ZFHX4: variants seen among roughly 807,000 people sequenced by gnomAD.
The protein encoded by ZFHX4 is zinc finger homeobox 4, also known as zinc finger homeobox protein 4.
In ZFHX4, 56 loss-of-function variants were observed where a neutral mutation model predicts 267.6. The ratio of observed to expected loss-of-function variants is 0.21; its 90% CI spans 0.17 to 0.26. ZFHX4 has a LOEUF of 0.26. Ranked by LOEUF, ZFHX4 falls within the 10% of genes least tolerant of loss-of-function variation. The pLI, the probability that ZFHX4 is intolerant of heterozygous loss-of-function variation, is 1.00. For synonymous variants in ZFHX4, 1,778 were observed against 1,665.6 expected (o/e 1.07, Z -1.64); for missense variants, 4,332 against 4,420.0 (o/e 0.98, Z 0.56).
intron 3 of ZFHX4, among the ~76,000 whole-genome samples, chr8:76,736,094 T>A (rs1809151411): frequency 6.6e-6 from 1 of 152,060 alleles, no homozygotes; most frequent in Admixed American, 6.6e-5. Context: ...CATTAAAATC[T>A]TTATCCTTCT....
intron 4 of ZFHX4, among the ~76,000 whole-genome samples, chr8:76,800,797 G>A (rs1811099930): frequency 6.6e-6 from 1 of 152,136 alleles, no homozygotes; most frequent in Admixed American, 6.6e-5. Context: ...TTAGCAGCAA[G>A]GAAAAAACAA....
chr8:76,707,740 T>G lies in ZFHX4; in HGVS notation c.2785T>G (p.Ser929Ala), dbSNP rs1196498297. The G allele has an allele frequency of 6.2e-6, 10 of 1,613,704 alleles. No individual in the cohort carries two copies. In the East Asian group the frequency reaches 2.0e-4, roughly 32 times the overall value. The change falls in exon 3 of 11, where the codon TCT becomes GCT. Residue 929 changes from serine to alanine, a missense_variant. Around this residue, in one of 7 missense-constraint regions of ZFHX4, gnomAD observed 1,195 missense variants for 1,173.6 expected, o/e 1.02. Transcript: ENST00000651372. Reference sequence around the variant, plus strand: ...AAGTGTGCATGTGAGCAGTGAGCGCTCTCTCCCTGAAGAGGAATGGAGGGC... The same window carrying G: ...AAGTGTGCATGTGAGCAGTGAGCGCGCTCTCCCTGAAGAGGAATGGAGGGC... ...ALSVHVSSER[S>A]LPEEEWRAVI...
At chr8:76,694,473 T>A (rs1807902865) in intron 1 of ZFHX4, among the ~76,000 whole-genome samples, 1 of 152,188 alleles carries the variant, frequency 6.6e-6, no homozygotes, top group Non-Finnish European at 1.5e-5. Flanking sequence ...AAGCCATATT[T>A]TCTGAGAAGC....
intron 4 of ZFHX4, among the ~76,000 whole-genome samples, chr8:76,810,573 T>C (rs1187269806): frequency 6.6e-6 from 1 of 152,180 alleles, no homozygotes; most frequent in Non-Finnish European, 1.5e-5. Context: ...CTGGGAAAAC[T>C]GTTTTCTGTC....
Position 76,864,644 on chromosome 8 carries a change from A to G in ZFHX4, c.*79A>G. On this transcript the variant is annotated 3_prime_UTR_variant, in exon 11 of 11. Coordinates refer to ENST00000651372, the MANE Select transcript of ZFHX4 (RefSeq NM_024721.5). ...AAAATAAGACTTTAACTGCAGTTCC[A>G]AAGCTTCTCTAACCCAAAAATTACA... The G allele has an allele frequency of 8.8e-7, 1 of 1,133,158 alleles. No individual in the cohort carries two copies. The highest frequency in any genetic ancestry group is 2.7e-5 in the East Asian group (1 of 37,520). The allele number at this position is 1,133,158 out of a possible 1,614,324, so 70.2% of individuals were successfully genotyped here.
In ZFHX4 at chr8:76,854,780, T is replaced by A; in HGVS notation, c.7859T>A (p.Leu2620His). Reference protein sequence around the residue: ...TTITPEQLEILYEKYLLDSNP... With the variant: ...TTITPEQLEIHYEKYLLDSNP... ...ATCACCCCGGAACAGCTGGAAATACTCTATGAAAAATACTTGCTGGATTCC... is the reference window on the plus strand; with the variant it reads ...ATCACCCCGGAACAGCTGGAAATACACTATGAAAAATACTTGCTGGATTCC... Residue 2620 changes from leucine (L) to histidine (H), a missense_variant, in exon 10 of 11, where the codon CTC (leucine) becomes CAC (histidine). Physicochemically the swap from Leu to His is moderately conservative, Grantham distance 99. Coordinates refer to ENST00000651372, the MANE Select transcript of ZFHX4 (RefSeq NM_024721.5). The A allele has an allele frequency of 6.2e-7, 1 of 1,610,134 alleles. No homozygotes were observed. The highest frequency in any genetic ancestry group is 8.5e-7 in the Non-Finnish European group (1 of 1,178,570).
At chr8:76,797,869 T>G (rs1386268295) in intron 4 of ZFHX4, among the ~76,000 whole-genome samples, 1 of 150,478 alleles carries the variant, frequency 6.6e-6, no homozygotes, top group African/African-American at 2.5e-5. Context: ...TTGTGGAGTT[T>G]TGGGGTGTGT....
chr8:76,725,682 T>C (rs906092120), intron 3 of ZFHX4, among the ~76,000 whole-genome samples: 1 of 152,168 alleles, frequency 6.6e-6, no homozygotes, highest in Admixed American at 6.6e-5. Flanking sequence ...TCCCTTATTT[T>C]AGGGTACTGA....
intron 3 of ZFHX4, among the ~76,000 whole-genome samples, chr8:76,762,040 T>A (rs1188086046): frequency 5.9e-5 from 9 of 152,196 alleles, no homozygotes. Context: ...GGTCTACTCC[T>A]CTGGAGGACA....
intron 3 of ZFHX4, among the ~76,000 whole-genome samples, chr8:76,773,240 C>T (rs994841898): frequency 1.4e-4 from 22 of 152,036 alleles, no homozygotes; most frequent in South Asian, 2.1e-4. Context: ...TATAGAAGGA[C>T]CCAGGTTCAG....
At chr8:76,850,843 G>A (rs1443766273) in intron 9 of ZFHX4, 43 bp from the exon 10 acceptor site, 1 of 1,462,648 alleles carries the variant, frequency 6.8e-7, no homozygotes, top group Non-Finnish European at 9.1e-7. Flanking sequence ...TAAGGAGTAG[G>A]TTTTCTTATT....
intron 3 of ZFHX4, among the ~76,000 whole-genome samples, chr8:76,727,235 CCT>C (rs1808876878): frequency 6.6e-6 from 1 of 152,140 alleles, no homozygotes; most frequent in South Asian, 2.1e-4. Flanking sequence ...CCAAAAGGAG[CCT>C]CTTTCTGCTG....
At chr8:76,721,403 A>G (rs1358323551) in intron 3 of ZFHX4, among the ~76,000 whole-genome samples, 2 of 152,170 alleles carry the variant, frequency 1.3e-5, no homozygotes, top group African/African-American at 4.8e-5. Context: ...ATTTATCCTA[A>G]TTGATTAAAA....
Position 76,853,860 on chromosome 8 carries a change from G to A in ZFHX4, c.6939G>A (p.Gln2313=), listed in dbSNP as rs1812621229. Residue 2313 remains glutamine, a synonymous_variant, in exon 10 of 11, where the codon CAG becomes CAA. Transcript: ENST00000651372. ...RYIRTSNMQY[Q]CKKCNVVFPR... ...TTCGAACAAGCAACATGCAGTACCA[G>A]TGTAAAAAGTGCAATGTGGTTTTCC... The A allele has an allele frequency of 6.2e-7, 1 of 1,613,816 alleles. No homozygotes were observed. Among genetic ancestry groups the A allele is most frequent in the Admixed American group, 1.7e-5 (1 of 60,004 alleles).
At chr8:76,756,457 A>G (rs974485838) in intron 3 of ZFHX4, among the ~76,000 whole-genome samples, 1 of 151,762 alleles carries the variant, frequency 6.6e-6, no homozygotes, top group African/African-American at 2.4e-5. Context: ...ATGGGTGGGT[A>G]GAGGCTCATA....
intron 3 of ZFHX4, among the ~76,000 whole-genome samples, chr8:76,754,058 A>C (rs1476633424): frequency 6.6e-6 from 1 of 152,174 alleles, no homozygotes; most frequent in Non-Finnish European, 1.5e-5. Context: ...CTATTTTTGC[A>C]CTGGTAGAAC....
At chr8:76,688,094 T>C (rs1315701711) in intron 1 of ZFHX4, among the ~76,000 whole-genome samples, 1 of 152,186 alleles carries the variant, frequency 6.6e-6, no homozygotes, top group Non-Finnish European at 1.5e-5. Context: ...TAGAAGATGA[T>C]CAACAGAGGT....
At chr8:76,859,338 T>C (rs1812809966) in intron 10 of ZFHX4, among the ~76,000 whole-genome samples, 1 of 152,162 alleles carries the variant, frequency 6.6e-6, no homozygotes, top group Admixed American at 6.6e-5. Context: ...CACTTTTTAA[T>C]AGGATGAATT....
At chr8:76,766,041 G>A (rs536792633) in intron 3 of ZFHX4, among the ~76,000 whole-genome samples, 12 of 151,658 alleles carry the variant, frequency 7.9e-5, no homozygotes, top group East Asian at 3.9e-4. Flanking sequence ...AATATCCTTC[G>A]GTGATAGAAG....
Sources: allele counts gnomAD v4.1 joint callset (sites outside exome capture counted in the v4.1 genomes callset), GRCh38; gene constraint gnomAD v4.1.1; regional missense constraint gnomAD v4.1.1; transcripts MANE v1.5; gene names NCBI Gene and HGNC (gene_info 2026-07-23, HGNC 2026-07-21).